RTN4: variants seen among roughly 807,000 people sequenced by gnomAD.
RTN4 encodes the protein reticulon 4, also known as reticulon-4.
In RTN4, 32 loss-of-function variants were observed where a neutral mutation model predicts 90.4. The ratio of observed to expected loss-of-function variants is 0.35; its 90% CI spans 0.27 to 0.48. RTN4 has a LOEUF of 0.48. RTN4 is among the 20% of genes least tolerant of loss of function. The pLI is 0.99. For missense variants in RTN4, 1,706 were observed against 1,430.2 expected (o/e 1.19, Z -3.11); for synonymous variants, 629 against 552.5 (o/e 1.14, Z -1.94).
intron 3 of RTN4, among the ~76,000 whole-genome samples, chr2:54,997,857 T>C (rs901572388): frequency 6.6e-6 from 1 of 152,200 alleles, no homozygotes; most frequent in Non-Finnish European, 1.5e-5. Flanking sequence ...TTGTTAAAGT[T>C]GTTAATTTCT....
chr2:55,043,726 G>C (rs1002562785), intron 1 of RTN4, among the ~76,000 whole-genome samples: 1 of 151,772 alleles, frequency 6.6e-6, no homozygotes, highest in African/African-American at 2.4e-5. Flanking sequence ...TCTCTACTAA[G>C]AATACAAAAA....
At chr2:55,110,820 C>T (rs1374287880) in intron 1 of RTN4, among the ~76,000 whole-genome samples, 4 of 152,148 alleles carry the variant, frequency 2.6e-5, no homozygotes, top group African/African-American at 4.8e-5. Flanking sequence ...GCAGGCAGGT[C>T]GCCTGAGATC....
At chr2:55,125,337 T>C in the RTN4 span, among the ~76,000 whole-genome samples, 1 of 152,104 alleles carries the variant, frequency 6.6e-6, no homozygotes, top group Non-Finnish European at 1.5e-5. Flanking sequence ...ACCTACAGAA[T>C]GGGAGAAAAT....
At chr2:54,993,035 C>T (rs1398002318) in intron 3 of RTN4, among the ~76,000 whole-genome samples, 1 of 141,248 alleles carries the variant, frequency 7.1e-6, no homozygotes, top group Admixed American at 7.3e-5. Context: ...GATTGCGCCA[C>T]TGCACTCCAG....
intron 1 of RTN4, among the ~76,000 whole-genome samples, chr2:55,095,340 AC>A (rs1407252467): frequency 6.6e-6 from 1 of 151,986 alleles, no homozygotes; most frequent in African/African-American, 2.4e-5. Flanking sequence ...AAAAACACAG[AC>A]AAAAAAACCC....
the RTN4 span, among the ~76,000 whole-genome samples, chr2:55,121,878 T>C: frequency 6.6e-6 from 1 of 152,178 alleles, no homozygotes; most frequent in East Asian, 1.9e-4. Context: ...TACTTTTCTA[T>C]ATTTAACTTT....
In RTN4 at chr2:54,975,927, G is replaced by A. The variant is rs959036444; in HGVS notation, c.3361-1163C>T. Among the ~76,000 whole-genome samples the A allele has an allele frequency of 3.3e-5, 5 of 152,266 alleles. No individual in the cohort carries two copies. In the East Asian group the frequency reaches 9.6e-4, roughly 29 times the overall value. Reference sequence around the variant, plus strand: ...AATTGAAAAAAAATTTTTTTAAGCTGCCGTATTCTTAGCAATTGCTATTGG... The same window carrying A: ...AATTGAAAAAAAATTTTTTTAAGCTACCGTATTCTTAGCAATTGCTATTGG... On this transcript the variant is annotated intron_variant, in intron 5 of 8. Transcript: ENST00000337526.
chr2:55,052,281 A>G (rs779848209), upstream of RTN4, among the ~76,000 whole-genome samples: 36 of 152,210 alleles, frequency 2.4e-4, no homozygotes, highest in Non-Finnish European at 1.5e-4. Flanking sequence ...CGTTATGTTA[A>G]TAATAATAGA....
At chr2:55,134,405 G>C in the RTN4 span, among the ~76,000 whole-genome samples, 1 of 152,108 alleles carries the variant, frequency 6.6e-6, no homozygotes, top group Non-Finnish European at 1.5e-5. Flanking sequence ...GGTCTGTGTG[G>C]GGTCCAAGGC....
intron 3 of RTN4, 130 bp downstream of exon 3, chr2:55,024,956 G>C: frequency 8.7e-7 from 1 of 1,143,718 alleles, no homozygotes; most frequent in Non-Finnish European, 1.2e-6. Context: ...AACTGAAAAA[G>C]TGGAGAAGAC....
chr2:54,987,402 C>T, intron 4 of RTN4, 89 bp downstream of exon 4: 1 of 978,116 alleles, frequency 1.0e-6, no homozygotes, highest in Non-Finnish European at 1.6e-6. Flanking sequence ...AAAATGCATG[C>T]TTGTAACTCT....
chr2:55,085,160 T>C (rs1668812627), intron 1 of RTN4, among the ~76,000 whole-genome samples: 1 of 152,186 alleles, frequency 6.6e-6, no homozygotes, highest in South Asian at 2.1e-4. Context: ...ACTGTATTAA[T>C]TAGGGTTCTC....
Position 55,101,620 on chromosome 2 carries a change from T to C in RTN4, c.-214+10900A>G, listed in dbSNP as rs193120818. ...TCATTCATTAAGCATGCATTTCTGCTACATAGTCTGTGCCAGGCAATGTGC... is the reference window on the plus strand; with the variant it reads ...TCATTCATTAAGCATGCATTTCTGCCACATAGTCTGTGCCAGGCAATGTGC... On this transcript the variant is annotated intron_variant, in intron 1 of 3. Coordinates refer to the RTN4 transcript ENST00000427710. Among the ~76,000 whole-genome samples the C allele has an allele frequency of 5.4e-3, 821 of 152,266 alleles. 4 individuals are homozygous for C. The highest frequency in any genetic ancestry group is 8.1e-3 in the Non-Finnish European group (553 of 68,028).
intron 3 of RTN4, among the ~76,000 whole-genome samples, chr2:55,006,942 T>C (rs1013452540): frequency 1.3e-5 from 2 of 152,146 alleles, no homozygotes; most frequent in South Asian, 2.1e-4. Context: ...TCTCCTCACA[T>C]AGTATTCACC....
At chr2:55,044,272 T>A (rs1354257162) in intron 1 of RTN4, among the ~76,000 whole-genome samples, 1 of 152,146 alleles carries the variant, frequency 6.6e-6, no homozygotes, top group Non-Finnish European at 1.5e-5. Context: ...GCACCTGTAG[T>A]CTCAGCTACC....
intron 4 of RTN4, among the ~76,000 whole-genome samples, chr2:54,985,153 CTTTTTTTT>C (rs71769973): frequency 1.2e-4 from 7 of 57,892 alleles, no homozygotes; most frequent in East Asian, 6.0e-4. Flanking sequence ...ATGACTCGGC[CTTTTTTTT>C]TTTTTTTTTT....
At chr2:55,038,185 G>T (rs1682819775) in intron 1 of RTN4, among the ~76,000 whole-genome samples, 1 of 152,062 alleles carries the variant, frequency 6.6e-6, no homozygotes, top group Non-Finnish European at 1.5e-5. Context: ...CAAGCTTCTA[G>T]AAGAAACCAA....
intron 1 of RTN4, among the ~76,000 whole-genome samples, chr2:55,035,969 T>C (rs949571022): frequency 6.6e-6 from 1 of 152,094 alleles, no homozygotes; most frequent in Non-Finnish European, 1.5e-5. Context: ...AAAATCAGAA[T>C]AGTCCTATGT....
At chr2:55,002,401 A>G (rs1252001250) in intron 3 of RTN4, among the ~76,000 whole-genome samples, 1 of 152,224 alleles carries the variant, frequency 6.6e-6, no homozygotes, top group Non-Finnish European at 1.5e-5. Context: ...AATGCCTCAA[A>G]TATGTTGCAG....
Sources: gnomAD v4.1 joint callset for allele counts (sites outside exome capture counted in the v4.1 genomes callset) on GRCh38, gnomAD v4.1.1 for gene constraint, MANE v1.5 for transcripts, NCBI Gene and HGNC (gene_info 2026-07-23, HGNC 2026-07-21) for gene names.